Variants in FERMT1 observed in about 807,000 individuals in gnomAD.
FERMT1 encodes the protein fermitin family homolog 1.
Under a neutral mutation model 85.3 loss-of-function variants are expected in FERMT1, and 60 were observed. The ratio of observed to expected loss-of-function variants is 0.70; its 90% CI spans 0.57 to 0.87. FERMT1 has a LOEUF of 0.87. Among genes scored for constraint, FERMT1 ranks in the 40% least tolerant of loss-of-function variants. The pLI is 0.00. For synonymous variants in FERMT1, 275 were observed against 301.1 expected (o/e 0.91, Z 0.90); for missense variants, 701 against 818.9 (o/e 0.86, Z 1.76).
chr20:6,118,262 G>T (rs1440528661), intron 2 of FERMT1, among the ~76,000 whole-genome samples: 2 of 152,182 alleles, frequency 1.3e-5, no homozygotes, highest in Non-Finnish European at 2.9e-5. Flanking sequence ...ATATAATGTT[G>T]AGTGAAAGAA....
At chr20:6,105,899 G>GA (rs1281064592) in intron 6 of FERMT1, among the ~76,000 whole-genome samples, 3 of 152,088 alleles carry the variant, frequency 2.0e-5, no homozygotes, top group East Asian at 1.9e-4. Flanking sequence ...TCTATTTTCA[G>GA]AAAAAATGTA....
intron 13 of FERMT1, among the ~76,000 whole-genome samples, chr20:6,080,434 T>C (rs4815887): frequency 0.93 from 142,037 of 152,274 alleles, 66,373 homozygotes; most frequent in East Asian, 1. Context: ...AGGCATAAGC[T>C]GTCACACCTG....
chr20:6,115,689 T>C, intron 3 of FERMT1, 122 bp downstream of exon 3: 3 of 788,568 alleles, frequency 3.8e-6, no homozygotes, highest in Non-Finnish European at 6.6e-6. Flanking sequence ...GGCTTAAACA[T>C]GTGCTTCCTA....
intron 5 of FERMT1, among the ~76,000 whole-genome samples, chr20:6,109,266 G>A (rs75463079): frequency 0.038 from 5,749 of 152,192 alleles, 354 homozygotes; most frequent in African/African-American, 0.13. Context: ...GGAGGGGGCC[G>A]ATCTTGAAGG....
rs1055250171 is a variant in FERMT1 at position 6,119,394 on chromosome 20, A to T, written c.151+10T>A. ...TAATACAGAGAAACCGTAAAGCAAG[A>T]GTAACTTACTGATCTGTTCTACTAA... On this transcript the variant is annotated intron_variant, in intron 2 of 14. Coordinates refer to ENST00000217289, the MANE Select transcript of FERMT1 (RefSeq NM_017671.5). 5.6e-6 allele frequency: 9 copies of T among 1,613,848 alleles called. No individual in the cohort carries two copies. The highest frequency in any genetic ancestry group is 7.6e-6 in the Non-Finnish European group (9 of 1,179,700).
intron 8 of FERMT1, among the ~76,000 whole-genome samples, chr20:6,095,338 C>T (rs552079239): frequency 1.1e-4 from 16 of 151,672 alleles, no homozygotes; most frequent in African/African-American, 2.7e-4. Context: ...CTGTTTGTGT[C>T]GTAGATTACA....
intron 8 of FERMT1, 104 bp from the exon 9 acceptor site, chr20:6,095,092 T>C (rs1034084672): frequency 2.2e-5 from 16 of 717,096 alleles, no homozygotes; most frequent in Non-Finnish European, 4.1e-5. Flanking sequence ...ATGTGCCTAT[T>C]TAAATTTGAA....
At position 6,088,994 on chromosome 20, in the gene FERMT1, C is replaced by G. The variant is rs1362353977; in HGVS notation, c.1235G>C (p.Gly412Ala). The G allele has an allele frequency of 1.2e-6, 2 of 1,612,278 alleles. No individual in the cohort carries two copies. Among genetic ancestry groups the G allele is most frequent in the Admixed American group, 3.3e-5 (2 of 59,934 alleles). ...AYFKNKELEQ[G>A]EPLEKLNLRG... is the part of the protein sequence containing the mutation. ...AAGATTTAGTTTTTCTAGTGGTTCT[C>G]CTTGTTCAAGTTCCTTATTTTTAAA... Residue 412 changes from glycine to alanine, a missense_variant, in exon 10 of 15, where the codon GGA (glycine) becomes GCA (alanine). Transcript: ENST00000217289.
chr20:6,109,249 G>A (rs1982878971), intron 5 of FERMT1, among the ~76,000 whole-genome samples: 1 of 152,196 alleles, frequency 6.6e-6, no homozygotes, highest in African/African-American at 2.4e-5. Flanking sequence ...TCAGGACAGA[G>A]CTACAAGGAG....
At chr20:6,100,496 C>T (rs1162751288) in intron 6 of FERMT1, among the ~76,000 whole-genome samples, 1 of 151,914 alleles carries the variant, frequency 6.6e-6, no homozygotes, top group African/African-American at 2.4e-5. Flanking sequence ...TTTCTTACTG[C>T]GGTGATGAAA....
intron 6 of FERMT1, among the ~76,000 whole-genome samples, chr20:6,097,872 T>TAGCCTAGGAGTGCATTGG (rs1291856270): frequency 1.2e-3 from 177 of 152,154 alleles, no homozygotes; most frequent in African/African-American, 4.0e-3. Context: ...TGGAGTACAG[T>TAGCCTAGGAGTGCATTGG]AGTGCAATCT....
In FERMT1 at chr20:6,084,070, G is replaced by A; in HGVS notation, c.1688C>T (p.Pro563Leu). The change falls in exon 13 of 15, where the codon CCT (proline) becomes CTT (leucine). Residue 563 changes from proline to leucine, a missense_variant. Transcript: ENST00000217289. ...AAGGTAGTAGGTGAGGCCAAACTCA[G>A]GCAGTGACTGCCACGCCTGGATGAA... ...LRFIQAWQSL[P>L]EFGLTYYLVR... The A allele has an allele frequency of 6.2e-7, 1 of 1,614,146 alleles. No homozygotes were observed. Among genetic ancestry groups the A allele is most frequent in the South Asian group, 1.1e-5 (1 of 91,060 alleles).
chr20:6,083,690 T>A (rs1422877821), intron 13 of FERMT1, among the ~76,000 whole-genome samples: 1 of 95,172 alleles, frequency 1.1e-5, no homozygotes. Context: ...ACACCCGATC[T>A]CTTAAAAAAA....
chr20:6,091,064 G>A (rs192171210), intron 9 of FERMT1, among the ~76,000 whole-genome samples: 1 of 151,696 alleles, frequency 6.6e-6, no homozygotes, highest in Non-Finnish European at 1.5e-5. Context: ...CCCGGAGGCT[G>A]AGGCACAAGG....
rs200840158 is a variant in FERMT1 at position 6,093,960 on chromosome 20, AAAG to A, written c.1139+976_1139+978del. 460 of 152,350 alleles carry A rather than the reference AAAG, an allele frequency of 3.0e-3. 1 individual carries two copies. Among genetic ancestry groups the A allele is most frequent in the African/African-American group, 0.01 (427 of 41,564 alleles). The allele number at this position is 152,350 out of a possible 1,614,324, so 9.4% of individuals were successfully genotyped here. On this transcript the variant is annotated intron_variant, in intron 9 of 14. Coordinates refer to ENST00000217289, the MANE Select transcript of FERMT1 (RefSeq NM_017671.5). ...AATAGAGTGAGACTCTGTCTCAAAA[AAAG>A]AAGAAGAAGAAGAAAAAAGAATGAC...
intron 4 of FERMT1, 49 bp downstream of exon 4, chr20:6,112,426 CTT>C (rs1237032874): frequency 3.8e-6 from 6 of 1,583,138 alleles, no homozygotes; most frequent in African/African-American, 2.7e-5. Context: ...ATATTTCTCT[CTT>C]GAGTTTTACT....
intron 1 of FERMT1, among the ~76,000 whole-genome samples, chr20:6,121,806 T>C (rs971939095): frequency 1.3e-5 from 2 of 152,236 alleles, no homozygotes; most frequent in African/African-American, 2.4e-5. Flanking sequence ...ACTTTGATAA[T>C]GTTGCAATGC....
At chr20:6,092,930 A>G (rs1183794934) in intron 9 of FERMT1, among the ~76,000 whole-genome samples, 1 of 151,972 alleles carries the variant, frequency 6.6e-6, no homozygotes, top group African/African-American at 2.4e-5. Context: ...GTTTCACTTC[A>G]TGATTAATTC....
Position 6,084,127 on chromosome 20 carries a change from G to A in FERMT1, c.1631C>T (p.Ala544Val), listed in dbSNP as rs1982093100. ...CTTGGCTTCGACCAGGGGCATCTGG[G>A]CCACGTTCTGGTGCGCCTCCAGGAT... ...ARILEAHQNV[A>V]QMPLVEAKLR... The change falls in exon 13 of 15, where the codon GCC (alanine) becomes GTC (valine). Residue 544 changes from alanine to valine, a missense_variant. Coordinates refer to ENST00000217289, the MANE Select transcript of FERMT1 (RefSeq NM_017671.5). 1 of 1,613,422 alleles carries A rather than the reference G, an allele frequency of 6.2e-7. No homozygotes were observed. The highest frequency in any genetic ancestry group is 1.3e-5 in the African/African-American group (1 of 74,926).
Sources: allele counts gnomAD v4.1 joint callset (sites outside exome capture counted in the v4.1 genomes callset), GRCh38; gene constraint gnomAD v4.1.1; transcripts MANE v1.5; gene names NCBI Gene and HGNC (gene_info 2026-07-23, HGNC 2026-07-21).